The following LCOR variants were observed in gnomAD, a reference collection of about 807,000 sequenced individuals.
LCOR encodes ligand-dependent corepressor.
In LCOR, 14 loss-of-function variants were observed where a neutral mutation model predicts 64.4. The ratio of observed to expected loss-of-function variants is 0.22; its 90% confidence interval spans 0.14 to 0.34. The LOEUF is 0.34. LCOR is among the 10% of genes least tolerant of loss of function. LCOR has a pLI of 1.00. For synonymous variants in LCOR, 643 were observed against 642.5 expected (o/e 1.00, Z -0.01); for missense variants, 1,686 against 1,765.3 (o/e 0.96, Z 0.80).
intron 2 of LCOR, among the ~76,000 whole-genome samples, chr10:96,873,505 C>T (rs887492716): frequency 4.7e-5 from 7 of 148,796 alleles, no homozygotes; most frequent in Non-Finnish European, 1.0e-4. Context: ...TGTGTTAAAT[C>T]GATTCTATAT....
intron 7 of LCOR, among the ~76,000 whole-genome samples, chr10:96,965,799 ACTTAAT>A (rs1470359884): frequency 6.6e-6 from 1 of 152,072 alleles, no homozygotes; most frequent in Non-Finnish European, 1.5e-5. Context: ...TATGCCACAT[ACTTAAT>A]CAAGATTTTT....
intron 7 of LCOR, chr10:96,963,376 C>CT (rs1438485461): frequency 1.3e-5 from 2 of 152,240 alleles, no homozygotes; most frequent in African/African-American, 4.8e-5. Flanking sequence ...GCAGTTCCTT[C>CT]TTGATGTGGC....
intron 7 of LCOR, chr10:96,962,029 A>T (rs1847889780): frequency 6.6e-6 from 1 of 152,080 alleles, no homozygotes; most frequent in Non-Finnish European, 1.5e-5. Context: ...CTAAAGTCTT[A>T]ATTTATCTTC....
chr10:96,912,621 TTCCTTC>T (rs1846862343), intron 4 of LCOR, among the ~76,000 whole-genome samples: 2 of 148,920 alleles, frequency 1.3e-5, no homozygotes, highest in Non-Finnish European at 1.5e-5. Context: ...CCTTCCTTCC[TTCCTTC>T]CTTCCTTCCT....
chr10:96,845,628 C>T (rs919472569), intron 2 of LCOR, among the ~76,000 whole-genome samples: 7 of 150,946 alleles, frequency 4.6e-5, no homozygotes, highest in Admixed American at 1.3e-4. Context: ...CCACCTCGCC[C>T]GGCTAATTTT....
At chr10:96,857,023 C>A (rs1017992932) in intron 2 of LCOR, among the ~76,000 whole-genome samples, 1 of 151,902 alleles carries the variant, frequency 6.6e-6, no homozygotes, top group Non-Finnish European at 1.5e-5. Flanking sequence ...CATTCTCTTA[C>A]TCTTTTTTTT....
rs1848177249 is a variant in LCOR at position 96,989,511 on chromosome 10, C to T, written c.*4377C>T. ...TAATATTTTGGTACTGATACCTTTT[C>T]AGCCACATACTTTCAAAATAATTTT... is the stretch of plus-strand genomic sequence containing the variant. On this transcript the variant is annotated 3_prime_UTR_variant, in exon 8 of 8. Transcript: ENST00000421806. 1 of 151,706 alleles carries T rather than the reference C, an allele frequency of 6.6e-6. No individual in the cohort carries two copies. The highest frequency in any genetic ancestry group is 1.5e-5 in the Non-Finnish European group (1 of 67,960). The allele number at this position is 151,706 out of a possible 1,614,324, so 9.4% of individuals were successfully genotyped here.
chr10:96,922,921 A>G (rs979441577), intron 4 of LCOR, among the ~76,000 whole-genome samples: 5 of 152,190 alleles, frequency 3.3e-5, no homozygotes, highest in Admixed American at 1.3e-4. Context: ...TCTAGTGTCA[A>G]ACTTTTTGGT....
intron 1 of LCOR, 85 bp downstream of exon 1, chr10:96,832,484 C>A: frequency 2.6e-6 from 1 of 391,516 alleles, no homozygotes; most frequent in Non-Finnish European, 3.5e-6. Context: ...GGGGAAGTGG[C>A]AATTGCTGCT....
chr10:96,880,126 C>T (rs188123935), intron 2 of LCOR, among the ~76,000 whole-genome samples: 83 of 152,302 alleles, frequency 5.4e-4, no homozygotes, highest in African/African-American at 1.9e-3. Context: ...TGGTCTTTTG[C>T]ATTCAGGTAT....
chr10:96,958,744 C>G (rs888526360), intron 7 of LCOR: 16 of 280,650 alleles, frequency 5.7e-5, no homozygotes, highest in Non-Finnish European at 8.8e-5. Context: ...CCAAAGGTCT[C>G]TCTCTTTCTC....
intron 4 of LCOR, among the ~76,000 whole-genome samples, chr10:96,929,393 ACTT>A (rs1188796767): frequency 1.3e-5 from 2 of 152,206 alleles, no homozygotes; most frequent in Non-Finnish European, 2.9e-5. Context: ...TACAGAGATG[ACTT>A]CTTTTCCTTA....
At chr10:96,832,455 C>A in intron 1 of LCOR, 56 bp downstream of exon 1, 1 of 715,686 alleles carries the variant, frequency 1.4e-6, no homozygotes, top group Non-Finnish European at 1.7e-6. Context: ...GCCGGTCGCC[C>A]CAGACCAGGG....
At chr10:96,947,902 T>G (rs142068696) in intron 5 of LCOR, among the ~76,000 whole-genome samples, 21 of 152,252 alleles carry the variant, frequency 1.4e-4, no homozygotes, top group African/African-American at 4.8e-4. Context: ...TCATGGTGAT[T>G]GATTTGATTG....
chr10:96,905,399 G>T (rs1846710542), intron 2 of LCOR, among the ~76,000 whole-genome samples: 1 of 152,112 alleles, frequency 6.6e-6, no homozygotes, highest in Non-Finnish European at 1.5e-5. Flanking sequence ...ATGCTTGCAA[G>T]GTGTTGAAAT....
At chr10:96,861,198 C>T (rs1013645822) in intron 2 of LCOR, among the ~76,000 whole-genome samples, 1 of 152,172 alleles carries the variant, frequency 6.6e-6, no homozygotes, top group Non-Finnish European at 1.5e-5. Context: ...CCTAAGACTA[C>T]TGGAAAAACA....
At chr10:96,965,495 T>G (rs1425889386) in intron 7 of LCOR, among the ~76,000 whole-genome samples, 1 of 150,256 alleles carries the variant, frequency 6.7e-6, no homozygotes, top group Non-Finnish European at 1.5e-5. Context: ...ACCCCGTCTC[T>G]ACTAAAAATA....
intron 2 of LCOR, among the ~76,000 whole-genome samples, chr10:96,884,701 T>C (rs1439487600): frequency 6.6e-6 from 1 of 152,226 alleles, no homozygotes; most frequent in East Asian, 1.9e-4. Context: ...CCGATGCTGA[T>C]ATTGCAGGTC....
At chr10:96,911,073 C>T (rs988562979) in intron 4 of LCOR, among the ~76,000 whole-genome samples, 7 of 149,100 alleles carry the variant, frequency 4.7e-5, no homozygotes, top group African/African-American at 7.4e-5. Flanking sequence ...TACTATGTGC[C>T]AGTTATTTTT....
Sources: allele counts gnomAD v4.1 joint callset (sites outside exome capture counted in the v4.1 genomes callset), GRCh38; gene constraint gnomAD v4.1.1; transcripts MANE v1.5; gene names NCBI Gene and HGNC (gene_info 2026-07-23, HGNC 2026-07-21).